The following EPS15 variants were observed in gnomAD, a reference collection of about 807,000 sequenced individuals.
The protein encoded by EPS15 is epidermal growth factor receptor substrate 15.
EPS15 carries 72 observed loss-of-function variants against 113.8 expected under a neutral mutation model. The ratio of observed to expected loss-of-function variants is 0.63; its 90% CI spans 0.52 to 0.77. EPS15 has a LOEUF of 0.77. Among genes scored for constraint, EPS15 ranks in the 30% least tolerant of loss-of-function variants. The pLI is 0.00. For missense variants in EPS15, 1,048 were observed against 1,045.8 expected (o/e 1.00, Z -0.03); for synonymous variants, 344 against 363.4 (o/e 0.95, Z 0.61).
At chr1:51,488,844 T>C (rs1443973168) in intron 1 of EPS15, among the ~76,000 whole-genome samples, 2 of 152,160 alleles carry the variant, frequency 1.3e-5, no homozygotes, top group African/African-American at 4.8e-5. Flanking sequence ...ATCAATGGAA[T>C]GATAAAAGAA....
chr1:51,425,641 C>T (rs1651135622), intron 12 of EPS15, among the ~76,000 whole-genome samples: 1 of 152,142 alleles, frequency 6.6e-6, no homozygotes, highest in Non-Finnish European at 1.5e-5. Flanking sequence ...CATTAAGTAG[C>T]TTAACTGTCA....
rs539295023 is a variant in EPS15 at position 51,362,855 on chromosome 1, C to G, written c.2359+1011G>C. Among the ~76,000 whole-genome samples the G allele has an allele frequency of 2.0e-5, 3 of 152,268 alleles. No individual in the cohort carries two copies. In the South Asian group the frequency reaches 6.2e-4, roughly 32 times the overall value. ...CTTCTCACATAATACCCCAACAGCA[C>G]TACAACTACTCAAGGAATTATCCTT... On this transcript the variant is annotated intron_variant, in intron 23 of 24. Coordinates refer to ENST00000371733, the MANE Select transcript of EPS15 (RefSeq NM_001981.3).
At chr1:51,474,688 T>C (rs1655482949) in intron 2 of EPS15, among the ~76,000 whole-genome samples, 2 of 152,088 alleles carry the variant, frequency 1.3e-5, no homozygotes, top group Admixed American at 1.3e-4. Context: ...TTTTTATTAT[T>C]ATTATTATTA....
chr1:51,480,046 CAG>C (rs763021558), intron 2 of EPS15, among the ~76,000 whole-genome samples: 9 of 152,140 alleles, frequency 5.9e-5, no homozygotes, highest in Admixed American at 1.3e-4. Context: ...ACAAATGTAA[CAG>C]GGGAATTAAA....
chr1:51,479,566 C>T (rs1643982250), intron 2 of EPS15, among the ~76,000 whole-genome samples: 2 of 150,240 alleles, frequency 1.3e-5, no homozygotes, highest in Admixed American at 1.3e-4. Flanking sequence ...AGCTTTTCTG[C>T]TCTGGTTTCT....
At chr1:51,464,337 T>C (rs1367764156) in intron 6 of EPS15, among the ~76,000 whole-genome samples, 2 of 151,816 alleles carry the variant, frequency 1.3e-5, no homozygotes, top group Non-Finnish European at 2.9e-5. Flanking sequence ...CCTCCCGGGT[T>C]CAAGCGATTC....
chr1:51,428,771 G>A (rs983802827), intron 12 of EPS15, among the ~76,000 whole-genome samples: 2 of 144,566 alleles, frequency 1.4e-5, no homozygotes, highest in African/African-American at 5.2e-5. Context: ...AGGTTGCAGT[G>A]AGCCGAGATT....
At chr1:51,426,837 C>CTCTCTCTATATATATA (rs377211027) in intron 12 of EPS15, among the ~76,000 whole-genome samples, 19 of 143,642 alleles carry the variant, frequency 1.3e-4, no homozygotes, top group African/African-American at 5.0e-4. Context: ...CTCTCTCTCT[C>CTCTCTCTATATATATA]TATATATATA....
chr1:51,368,776 T>G (rs939157256), intron 21 of EPS15, among the ~76,000 whole-genome samples: 2 of 152,088 alleles, frequency 1.3e-5, no homozygotes, highest in African/African-American at 4.8e-5. Context: ...TCTTTCTTTG[T>G]ATTTTTAGTA....
chr1:51,476,922 T>G (rs938848013), intron 2 of EPS15, among the ~76,000 whole-genome samples: 1 of 152,196 alleles, frequency 6.6e-6, no homozygotes, highest in Non-Finnish European at 1.5e-5. Flanking sequence ...TCTCTTTTTT[T>G]GTTGTGTCTC....
intron 1 of EPS15, among the ~76,000 whole-genome samples, chr1:51,518,664 G>A (rs528218770): frequency 6.6e-6 from 1 of 152,316 alleles, no homozygotes; most frequent in East Asian, 1.9e-4. Context: ...GACCCTGGGA[G>A]AAAGGCAGGT....
At chr1:51,360,982 G>C (rs1458961993) in intron 24 of EPS15, among the ~76,000 whole-genome samples, 189 bp downstream of exon 24, 1 of 152,156 alleles carries the variant, frequency 6.6e-6, no homozygotes, top group African/African-American at 2.4e-5. Context: ...AAAATCATCT[G>C]TGCGATGGAA....
chr1:51,381,568 G>T (rs182785297), intron 21 of EPS15, among the ~76,000 whole-genome samples: 83 of 152,254 alleles, frequency 5.5e-4, no homozygotes, highest in African/African-American at 1.9e-3. Context: ...ACCCCAGCCT[G>T]GGTGGCAGAA....
intron 22 of EPS15, 72 bp downstream of exon 22, chr1:51,365,881 A>G: frequency 9.9e-7 from 1 of 1,010,890 alleles, no homozygotes; most frequent in South Asian, 1.5e-5. Flanking sequence ...AGGACTATAT[A>G]ATTGAAAGGA....
intron 23 of EPS15, 53 bp from the exon 24 acceptor site, chr1:51,361,408 C>A: frequency 7.4e-7 from 1 of 1,354,734 alleles, no homozygotes; most frequent in Non-Finnish European, 1.0e-6. Context: ...CAAATACAAG[C>A]ACACAAGAAC....
At chr1:51,357,438 T>TA (rs1489064300) in intron 24 of EPS15, among the ~76,000 whole-genome samples, 29 of 104,590 alleles carry the variant, frequency 2.8e-4, no homozygotes, top group African/African-American at 1.0e-3. Context: ...TTTTTTTTTT[T>TA]AAATGTGATA....
intron 13 of EPS15, among the ~76,000 whole-genome samples, chr1:51,411,223 AT>A (rs1649690254): frequency 6.6e-6 from 1 of 152,228 alleles, no homozygotes; most frequent in Non-Finnish European, 1.5e-5. Flanking sequence ...TAGTCTAAAA[AT>A]ATCATGTTGC....
chr1:51,374,188 A>C (rs1415534969), intron 21 of EPS15, among the ~76,000 whole-genome samples: 3 of 152,190 alleles, frequency 2.0e-5, no homozygotes, highest in Admixed American at 2.0e-4. Context: ...GGATGTTATA[A>C]AGATTTAATT....
At chr1:51,386,810 G>C (rs1257747196) in intron 21 of EPS15, among the ~76,000 whole-genome samples, 1 of 152,174 alleles carries the variant, frequency 6.6e-6, no homozygotes, top group African/African-American at 2.4e-5. Flanking sequence ...CAAGAAATAT[G>C]GGACTATGTG....
Sources: allele counts gnomAD v4.1 joint callset (sites outside exome capture counted in the v4.1 genomes callset), GRCh38; gene constraint gnomAD v4.1.1; transcripts MANE v1.5; gene names NCBI Gene and HGNC (gene_info 2026-07-23, HGNC 2026-07-21).